The following CBX1 variants were observed in gnomAD, a reference collection of about 807,000 sequenced individuals.
CBX1 encodes the protein chromobox 1.
CBX1 carries 10 observed loss-of-function variants against 25.1 expected under a neutral mutation model. The ratio of observed to expected loss-of-function variants is 0.40; its 90% CI spans 0.25 to 0.68. CBX1 has a LOEUF of 0.68. Among genes scored for constraint, CBX1 ranks in the 30% least tolerant of loss-of-function variants. CBX1 has a pLI of 0.40. For synonymous variants in CBX1, 63 were observed against 79.4 expected (o/e 0.79, Z 1.10); for missense variants, 106 against 218.5 (o/e 0.49, Z 3.25).
In CBX1 at chr17:48,100,891, T is replaced by C. The variant is rs1485554260; in HGVS notation, c.-38+377A>G. ...TTACAAACCTCGGGTTGTGCGGTCG[T>C]ATGCGCCTCCTCACGCCTATCCAAG... On this transcript the variant is annotated intron_variant, in intron 1 of 4. Coordinates refer to ENST00000225603, the MANE Select transcript of CBX1 (RefSeq NM_001127228.2). 3 of 985,540 alleles carry C rather than the reference T, an allele frequency of 3.0e-6. No individual in the cohort carries two copies. In the African/African-American group the frequency reaches 5.2e-5, roughly 17 times the overall value. 61.0% of individuals were successfully genotyped at this position (985,540 alleles called of 1,614,324 possible).
intron 4 of CBX1, among the ~76,000 whole-genome samples, chr17:48,074,258 T>C (rs1220917916): frequency 6.6e-6 from 1 of 152,224 alleles, no homozygotes; most frequent in Non-Finnish European, 1.5e-5. Context: ...ACAAAGTTTC[T>C]AGAATGCTGC....
intron 1 of CBX1, among the ~76,000 whole-genome samples, chr17:48,097,477 G>A (rs921966858): frequency 2.0e-5 from 3 of 151,740 alleles, no homozygotes; most frequent in Non-Finnish European, 4.4e-5. Context: ...TTAGCCGGGC[G>A]TTGTCGGGGC....
chr17:48,101,347 C>A lies in CBX1; in HGVS notation c.-117G>T. On this transcript the variant is annotated 5_prime_UTR_variant, in exon 1 of 5. Coordinates refer to ENST00000225603, the MANE Select transcript of CBX1 (RefSeq NM_001127228.2). ...CGCGTCGGGTCGCCTGGGGGAGTGGCGCCCAGGAAGGCAGCAAGCCGGGTG... is the reference window on the plus strand; with the variant it reads ...CGCGTCGGGTCGCCTGGGGGAGTGGAGCCCAGGAAGGCAGCAAGCCGGGTG... 5.1e-6 allele frequency: 5 copies of A among 986,150 alleles called. No homozygotes were observed. The highest frequency in any genetic ancestry group is 6.0e-6 in the Non-Finnish European group (5 of 830,134). The allele number at this position is 986,150 out of a possible 1,614,324, so 61.1% of individuals were successfully genotyped here.
chr17:48,083,967 C>G (rs1018232364), intron 1 of CBX1, among the ~76,000 whole-genome samples: 1 of 150,346 alleles, frequency 6.7e-6, no homozygotes, highest in African/African-American at 2.5e-5. Flanking sequence ...GTGCCAGGTA[C>G]TATTACAAAC....
intron 1 of CBX1, among the ~76,000 whole-genome samples, chr17:48,081,405 T>C (rs1215242279): frequency 6.6e-6 from 1 of 152,096 alleles, no homozygotes; most frequent in African/African-American, 2.4e-5. Flanking sequence ...AATGGGGAAA[T>C]CTAAAGTAAA....
chr17:48,076,342 C>T lies in CBX1; in HGVS notation c.141-164G>A, dbSNP rs115805055. Among the ~76,000 whole-genome samples the T allele has an allele frequency of 2.9e-3, 437 of 152,296 alleles. 1 individual carries two copies. The highest frequency in any genetic ancestry group is 1.0e-2 in the African/African-American group (414 of 41,558). On this transcript the variant is annotated intron_variant, in intron 2 of 4. Coordinates refer to ENST00000225603, the MANE Select transcript of CBX1 (RefSeq NM_001127228.2). The stretch of plus-strand genomic sequence containing the variant: ...AATAGAAAGCTAAGAAACTGGCTTC[C>T]TTCAAAGGCAAATGACTTTTATTTG...
At chr17:48,099,865 G>A (rs1400973384) in intron 1 of CBX1, among the ~76,000 whole-genome samples, 1 of 152,130 alleles carries the variant, frequency 6.6e-6, no homozygotes, top group African/African-American at 2.4e-5. Flanking sequence ...ATATGGCCAG[G>A]CGCAGTGGCT....
At chr17:48,093,070 CAAAAAAAAAAA>C (rs748778471) in intron 1 of CBX1, among the ~76,000 whole-genome samples, 1 of 8,746 alleles carries the variant, frequency 1.1e-4, no homozygotes, top group Non-Finnish European at 2.6e-4. Flanking sequence ...AACTCTGTCT[CAAAAAAAAAAA>C]AAAAAAAAGA....
chr17:48,086,202 G>C (rs2063310418), intron 1 of CBX1, among the ~76,000 whole-genome samples: 1 of 152,190 alleles, frequency 6.6e-6, no homozygotes, highest in Non-Finnish European at 1.5e-5. Context: ...GTACTGTTGT[G>C]ATTTTCCTCA....
intron 1 of CBX1, among the ~76,000 whole-genome samples, chr17:48,090,512 C>T (rs4794426): frequency 0.84 from 127,487 of 152,114 alleles, 53,486 homozygotes; most frequent in East Asian, 0.95. Context: ...TACTTTTTTC[C>T]AGCCCCACTG....
chr17:48,098,231 C>A (rs1276792480), intron 1 of CBX1, among the ~76,000 whole-genome samples: 2 of 149,744 alleles, frequency 1.3e-5, no homozygotes, highest in African/African-American at 2.5e-5. Context: ...AGCCTGGCAA[C>A]AGAGCGACAC....
At chr17:48,100,604 C>T in intron 1 of CBX1, 1 of 511,028 alleles carries the variant, frequency 2.0e-6, no homozygotes, top group Non-Finnish European at 2.5e-6. Flanking sequence ...TTTTTTCTTA[C>T]ATACCTTATA....
At chr17:48,075,562 T>C (rs2144430246) in intron 3 of CBX1, among the ~76,000 whole-genome samples, 1 of 152,274 alleles carries the variant, frequency 6.6e-6, no homozygotes, top group South Asian at 2.1e-4. Context: ...TAGAATCCTT[T>C]GGAGTGATTA....
intron 4 of CBX1, among the ~76,000 whole-genome samples, chr17:48,072,779 T>C (rs1220865897): frequency 7.1e-6 from 1 of 140,494 alleles, no homozygotes; most frequent in Non-Finnish European, 1.6e-5. Context: ...TGAGACTCTG[T>C]CTCAAAAAAA....
chr17:48,087,079 C>A (rs2063315988), intron 1 of CBX1, among the ~76,000 whole-genome samples: 1 of 151,398 alleles, frequency 6.6e-6, no homozygotes, highest in South Asian at 2.1e-4. Context: ...GTCCCAGCTA[C>A]TCAGGAGGCT....
intron 1 of CBX1, among the ~76,000 whole-genome samples, chr17:48,097,599 A>G (rs1567771273): frequency 6.6e-6 from 1 of 151,590 alleles, no homozygotes; most frequent in Non-Finnish European, 1.5e-5. Flanking sequence ...CTTTGGCGAC[A>G]GAGCGAGACT....
intron 1 of CBX1, among the ~76,000 whole-genome samples, chr17:48,094,434 C>CA (rs879711659): frequency 4.6e-4 from 58 of 126,786 alleles, no homozygotes; most frequent in East Asian, 4.7e-4. Flanking sequence ...ACTCTGTCTC[C>CA]AAAAAAAAAA....
chr17:48,090,300 T>A (rs57518778), intron 1 of CBX1, among the ~76,000 whole-genome samples: 1 of 152,160 alleles, frequency 6.6e-6, no homozygotes, highest in African/African-American at 2.4e-5. Context: ...ACTTTGAAGA[T>A]TGTGATTTCA....
rs572999255 is a variant in CBX1, at chr17:48,082,501, CAAAAA to C, written c.-37-5465_-37-5461del. Reference sequence around the variant, plus strand: ...TGGGGGACAGAGCGAGACTCCATCTCAAAAAAAAAAAAAAAAAAAAAAAAGGAAAA... The same window carrying C: ...TGGGGGACAGAGCGAGACTCCATCTCAAAAAAAAAAAAAAAAAAAGGAAAA... On this transcript the variant is annotated intron_variant, in intron 1 of 4. Coordinates refer to ENST00000225603, the MANE Select transcript of CBX1 (RefSeq NM_001127228.2). 5.8e-3 allele frequency among the ~76,000 whole-genome samples: 313 copies of C among 53,752 alleles called. 2 individuals carry two copies. The highest frequency in any genetic ancestry group is 0.021 in the African/African-American group (271 of 12,684). 35.3% of individuals were successfully genotyped at this position (53,752 alleles called of 152,430 possible).
Sources: gnomAD v4.1 joint callset for allele counts (sites outside exome capture counted in the v4.1 genomes callset) on GRCh38, gnomAD v4.1.1 for gene constraint, MANE v1.5 for transcripts, NCBI Gene and HGNC (gene_info 2026-07-23, HGNC 2026-07-21) for gene names.